The following UNC13C variants were observed in gnomAD, a reference collection of about 807,000 sequenced individuals.
UNC13C encodes the protein protein unc-13 homolog C.
Under a neutral mutation model 245.4 loss-of-function variants are expected in UNC13C, and 174 were observed. The ratio of observed to expected loss-of-function variants is 0.71; its 90% CI spans 0.63 to 0.80. The LOEUF is 0.80. Ranked by LOEUF, UNC13C falls within the 30% of genes least tolerant of loss-of-function variation. The pLI is 0.00. For missense variants in UNC13C, 2,829 were observed against 2,602.9 expected (o/e 1.09, Z -1.89); for synonymous variants, 992 against 895.1 (o/e 1.11, Z -1.93).
chr15:54,182,574 C>T (rs575217504), intron 4 of UNC13C, among the ~76,000 whole-genome samples: 1 of 151,988 alleles, frequency 6.6e-6, no homozygotes, highest in South Asian at 2.1e-4. Context: ...GGAATAGTTT[C>T]AGTTGAATTG....
chr15:54,181,478 G>GT (rs879681032), intron 4 of UNC13C, among the ~76,000 whole-genome samples: 1 of 148,718 alleles, frequency 6.7e-6, no homozygotes, highest in South Asian at 2.1e-4. Flanking sequence ...GTTTTGTTTT[G>GT]TTTTTTGTTT....
chr15:53,873,896 T>TTTCC, the UNC13C span, among the ~76,000 whole-genome samples: 1,371 of 134,184 alleles, frequency 0.01, 58 homozygotes, highest in African/African-American at 0.037. Flanking sequence ...CTTCCTTCTC[T>TTTCC]TTCCTTCCTT....
At chr15:53,898,673 G>A in the UNC13C span, among the ~76,000 whole-genome samples, 2 of 152,196 alleles carry the variant, frequency 1.3e-5, no homozygotes, top group Admixed American at 6.5e-5. Context: ...GACAAAATGT[G>A]TATGTATTTA....
Position 54,507,208 on chromosome 15 carries a change from GTC to G in UNC13C, c.5379+18_5379+19del, listed in dbSNP as rs753564171. 1.8e-5 allele frequency: 27 copies of G among 1,536,628 alleles called. No homozygotes were observed. Among genetic ancestry groups the G allele is most frequent in the Non-Finnish European group, 2.4e-5 (27 of 1,125,332 alleles). The stretch of plus-strand genomic sequence containing the variant: ...AAGGAAAATGTGGTAAGTAAAAAAT[GTC>G]TCTACTTTCAAGTATCTCTCAGTTG... On this transcript the variant is annotated intron_variant, in intron 23 of 32. Transcript: ENST00000260323.
chr15:54,377,210 T>C (rs1269844500), intron 17 of UNC13C, among the ~76,000 whole-genome samples: 1 of 152,192 alleles, frequency 6.6e-6, no homozygotes, highest in Non-Finnish European at 1.5e-5. Flanking sequence ...AGAGCACATG[T>C]TCAAGCATCA....
At chr15:54,486,032 T>C (rs939086076) in intron 19 of UNC13C, among the ~76,000 whole-genome samples, 1 of 152,136 alleles carries the variant, frequency 6.6e-6, no homozygotes, top group East Asian at 1.9e-4. Flanking sequence ...TGGCATTTAT[T>C]GTCTGCCACT....
At chr15:54,422,577 C>G (rs888274826) in intron 19 of UNC13C, among the ~76,000 whole-genome samples, 2 of 151,954 alleles carry the variant, frequency 1.3e-5, no homozygotes, top group African/African-American at 4.8e-5. Context: ...CAAATGTAGC[C>G]ACACTGTCCT....
chr15:54,234,751 T>C (rs1292475747), intron 4 of UNC13C, among the ~76,000 whole-genome samples: 1 of 152,238 alleles, frequency 6.6e-6, no homozygotes, highest in Non-Finnish European at 1.5e-5. Flanking sequence ...TTCTTTCCTC[T>C]GTGATACTAA....
chr15:54,267,483 G>T (rs1038659999), intron 10 of UNC13C, among the ~76,000 whole-genome samples: 2 of 152,032 alleles, frequency 1.3e-5, no homozygotes, highest in African/African-American at 4.8e-5. Flanking sequence ...GTTAAAAAGT[G>T]ATTTTTCTAT....
chr15:54,563,067 T>C (rs1320464924), intron 29 of UNC13C, among the ~76,000 whole-genome samples: 1 of 152,052 alleles, frequency 6.6e-6, no homozygotes, highest in Non-Finnish European at 1.5e-5. Context: ...ATCACCCCTA[T>C]TCTGTACTTT....
chr15:54,202,977 A>C (rs1463115360), intron 4 of UNC13C, among the ~76,000 whole-genome samples: 3 of 151,898 alleles, frequency 2.0e-5, no homozygotes, highest in African/African-American at 7.2e-5. Flanking sequence ...CAAGGAAAAA[A>C]ATTTCTATCA....
At chr15:54,140,285 T>G (rs1281211077) in intron 2 of UNC13C, among the ~76,000 whole-genome samples, 1 of 152,190 alleles carries the variant, frequency 6.6e-6, no homozygotes, top group Non-Finnish European at 1.5e-5. Context: ...TATTTTCCAT[T>G]ATTCAGATTT....
Position 54,529,013 on chromosome 15 carries a change from G to C in UNC13C, c.5546+3376G>C, listed in dbSNP as rs531504276. 3.3e-5 allele frequency among the ~76,000 whole-genome samples: 5 copies of C among 152,186 alleles called. No individual in the cohort carries two copies. The South Asian group carries it at 1.0e-3, about 32-fold the overall frequency. ...AATAATCAAGGATTTAGACTCTCTTGGATGACAGCTTGGAAGAGAATGTTC... is the reference window on the plus strand; with the variant it reads ...AATAATCAAGGATTTAGACTCTCTTCGATGACAGCTTGGAAGAGAATGTTC... On this transcript the variant is annotated intron_variant, in intron 25 of 32. Transcript: ENST00000260323.
the UNC13C span, among the ~76,000 whole-genome samples, chr15:53,906,694 G>C: frequency 2.0e-5 from 3 of 152,144 alleles, no homozygotes; most frequent in Non-Finnish European, 4.4e-5. Context: ...GCCATACCCA[G>C]TACCCTGTAT....
At chr15:54,065,055 A>G (rs1210131399) in intron 2 of UNC13C, among the ~76,000 whole-genome samples, 2 of 152,226 alleles carry the variant, frequency 1.3e-5, no homozygotes, top group Non-Finnish European at 1.5e-5. Flanking sequence ...GCCAATATCT[A>G]GATCTCCAAA....
intron 4 of UNC13C, among the ~76,000 whole-genome samples, chr15:54,193,075 A>C (rs746577082): frequency 1.3e-5 from 2 of 152,138 alleles, no homozygotes; most frequent in Non-Finnish European, 2.9e-5. Flanking sequence ...AGCATCTTAG[A>C]TTCATTTTCA....
chr15:54,621,445 C>G (rs985462358), intron 30 of UNC13C, among the ~76,000 whole-genome samples: 1 of 151,992 alleles, frequency 6.6e-6, no homozygotes, highest in African/African-American at 2.4e-5. Context: ...GATTAAATGT[C>G]AAACATTAAT....
chr15:54,402,485 A>T (rs2040207865), intron 18 of UNC13C, among the ~76,000 whole-genome samples: 1 of 152,120 alleles, frequency 6.6e-6, no homozygotes, highest in African/African-American at 2.4e-5. Context: ...AAAAGAGTTG[A>T]TCTTGAATTT....
At chr15:54,450,638 G>T (rs914393071) in intron 19 of UNC13C, among the ~76,000 whole-genome samples, 1 of 152,184 alleles carries the variant, frequency 6.6e-6, no homozygotes, top group African/African-American at 2.4e-5. Context: ...TATTAGGGTG[G>T]GAGTGACCCA....
Sources: gnomAD v4.1 joint callset for allele counts (sites outside exome capture counted in the v4.1 genomes callset) on GRCh38, gnomAD v4.1.1 for gene constraint, MANE v1.5 for transcripts, NCBI Gene and HGNC (gene_info 2026-07-23, HGNC 2026-07-21) for gene names.